GSE1: variants seen among roughly 807,000 people sequenced by gnomAD.
GSE1 encodes genetic suppressor element 1.
In GSE1, 32 loss-of-function variants were observed where a neutral mutation model predicts 112.6. The observed-to-expected ratio is 0.28, with a 90% CI of 0.21 to 0.38. The LOEUF (loss-of-function observed/expected upper bound fraction) is 0.38. GSE1 is among the 10% of genes least tolerant of loss of function. The pLI, the probability that GSE1 is intolerant of heterozygous loss-of-function variation, is 1.00. For synonymous variants in GSE1, 1,115 were observed against 735.6 expected, an observed-to-expected ratio of 1.52 and a Z score of -8.35; for missense variants, 2,348 against 1,699.2, an observed-to-expected ratio of 1.38 and a Z score of -6.71.
intron 1 of GSE1, among the ~76,000 whole-genome samples, chr16:85,303,052 C>A (rs2045570447): frequency 6.6e-6 from 1 of 152,216 alleles, no homozygotes; most frequent in Non-Finnish European, 1.5e-5. Context: ...GTCCTGTGGC[C>A]CCCGCCTGCA....
At chr16:85,508,077 C>T (rs1431284226) in intron 2 of GSE1, among the ~76,000 whole-genome samples, 1 of 152,166 alleles carries the variant, frequency 6.6e-6, no homozygotes, top group Non-Finnish European at 1.5e-5. Flanking sequence ...CTGTGTCGCT[C>T]AGGCTGGGGT....
chr16:85,373,392 C>T lies in GSE1; in HGVS notation c.2464+15749C>T, dbSNP rs115633640. ...CTGGTGTCTTCTCTTGTCAAACAGA[C>T]AAAAAATGGAAAGAAAGCAAGGGAG... On this transcript the variant is annotated intron_variant, in intron 2 of 2. Transcript: ENST00000637419. This position sits in a 1 kb window ranked among gnomAD's most constrained non-coding sequence, Gnocchi z 5.1. Among the ~76,000 whole-genome samples the T allele has an allele frequency of 7.2e-3, 1,099 of 152,216 alleles. 11 individuals carry two copies. The highest frequency in any genetic ancestry group is 0.025 in the African/African-American group (1,056 of 41,528).
At chr16:85,613,210 G>T (rs901810308), upstream of GSE1, 62 of 1,474,928 alleles carry the variant, frequency 4.2e-5, no homozygotes, top group South Asian at 1.1e-4. Flanking sequence ...GTTGCGTTTG[G>T]GTGTGTCCTC....
At chr16:85,366,986 A>G (rs2047198306) in intron 2 of GSE1, among the ~76,000 whole-genome samples, 1 of 152,004 alleles carries the variant, frequency 6.6e-6, no homozygotes, top group Non-Finnish European at 1.5e-5. Context: ...GACCCCAGGG[A>G]CAGAGCCGTG....
upstream of GSE1, chr16:85,555,801 GC>G (rs1470169010): frequency 1.0e-6 from 1 of 971,188 alleles, no homozygotes; most frequent in African/African-American, 1.8e-5. Flanking sequence ...CGTCCTGGGG[GC>G]TGTTTTTTTT....
intron 1 of GSE1, among the ~76,000 whole-genome samples, chr16:85,273,346 C>T (rs993809071): frequency 4.6e-5 from 7 of 152,182 alleles, no homozygotes; most frequent in East Asian, 3.8e-4. Flanking sequence ...GTTAAGGGAA[C>T]GTGTGCCCAG....
At chr16:85,627,994 G>A (rs2049222442) in intron 1 of GSE1, among the ~76,000 whole-genome samples, 1 of 152,180 alleles carries the variant, frequency 6.6e-6, no homozygotes, top group South Asian at 2.1e-4. Flanking sequence ...CGAGGCCTCG[G>A]GGGCAGCAGC....
intron 1 of GSE1, among the ~76,000 whole-genome samples, chr16:85,355,124 G>A (rs1205353099): frequency 6.6e-6 from 1 of 152,142 alleles, no homozygotes; most frequent in East Asian, 1.9e-4. Context: ...AAATTTATAC[G>A]TCCCTTGCAT....
At chr16:85,650,002 C>T (rs185393695) in intron 3 of GSE1, among the ~76,000 whole-genome samples, 3 of 152,318 alleles carry the variant, frequency 2.0e-5, no homozygotes, top group East Asian at 1.9e-4. Context: ...CGGGGCCTGA[C>T]GTTGCCTCTG....
chr16:85,518,170 A>G (rs1018265077), intron 2 of GSE1, among the ~76,000 whole-genome samples: 13 of 152,308 alleles, frequency 8.5e-5, no homozygotes, highest in African/African-American at 3.1e-4. Context: ...CCACCCAGAC[A>G]TCTGTGCCTG....
At chr16:85,186,692 A>T (rs1260084637) in intron 1 of GSE1, among the ~76,000 whole-genome samples, 1 of 151,368 alleles carries the variant, frequency 6.6e-6, no homozygotes, top group African/African-American at 2.4e-5. Context: ...CTGAGCTCAG[A>T]AGTTTGAGGC....
At chr16:85,623,446 G>A (rs902767812) in intron 1 of GSE1, among the ~76,000 whole-genome samples, 2 of 152,146 alleles carry the variant, frequency 1.3e-5, no homozygotes, top group Non-Finnish European at 2.9e-5. Context: ...CAGGCCATGC[G>A]GTGCCCTGGA....
rs932561128 is a variant in GSE1, at chr16:85,633,899, C to T, written c.8-15C>T. 1.9e-6 allele frequency: 3 copies of T among 1,602,592 alleles called. No individual in the cohort carries two copies. The African/African-American group carries it at 4.0e-5, about 22-fold the overall frequency. ...GCTCTCTGGGTGACCTCTGGTTCTT[C>T]TTTTCCTGTTTCAGGCATGAGCCAT... On this transcript the variant is annotated splice_polypyrimidine_tract_variant and intron_variant, in intron 1 of 15. Coordinates refer to ENST00000253458, the MANE Select transcript of GSE1 (RefSeq NM_014615.5).
intron 2 of GSE1, among the ~76,000 whole-genome samples, chr16:85,384,590 C>G (rs1458013399): frequency 6.6e-6 from 1 of 152,178 alleles, no homozygotes; most frequent in Non-Finnish European, 1.5e-5. Context: ...CCCTGGGCCT[C>G]ACTTTCCCTT....
At chr16:85,246,320 CACACACACACACCCCCCACACGCTGTCT>C in intron 1 of GSE1, among the ~76,000 whole-genome samples, 4 of 88,176 alleles carry the variant, frequency 4.5e-5, no homozygotes, top group African/African-American at 8.3e-5. Context: ...TACACACACA[CACACACACACACCCCCCACACGCTGTCT>C]ACACACACAC....
At position 85,175,041 on chromosome 16, in the gene GSE1, T is replaced by A. The variant is rs181327435; in HGVS notation, c.2283+3234T>A. ...GAACCATGATCTCTGCTGCTTCCTGTGACTCCTCAGTTGTTCCCTATTGTT... is the reference window on the plus strand; with the variant it reads ...GAACCATGATCTCTGCTGCTTCCTGAGACTCCTCAGTTGTTCCCTATTGTT... On this transcript the variant is annotated intron_variant, in intron 1 of 2. Transcript: ENST00000637419. 1.1e-3 allele frequency among the ~76,000 whole-genome samples: 130 copies of A among 115,690 alleles called. 4 individuals are homozygous for A. The highest frequency in any genetic ancestry group is 9.5e-3 in the Admixed American group (118 of 12,436). The allele number at this position is 115,690 out of a possible 152,430, so 75.9% of individuals were successfully genotyped here. A position where few individuals can be genotyped will look rare whatever the true frequency, so the allele number is the denominator to read the frequency against.
At chr16:85,300,795 C>T (rs781447299) in intron 1 of GSE1, among the ~76,000 whole-genome samples, 1 of 152,182 alleles carries the variant, frequency 6.6e-6, no homozygotes, top group Non-Finnish European at 1.5e-5. Context: ...GCAGGATTTA[C>T]AGTCAAGCCA....
chr16:85,373,762 C>T lies in GSE1; in HGVS notation c.2464+16119C>T, dbSNP rs548754104. ...TGAATGAGCGCTGGCCGCCTTCTCC[C>T]GGCAGGCCTGGGGACCCTGGATCCC... On this transcript the variant is annotated intron_variant, in intron 2 of 2. Transcript: ENST00000637419. The surrounding 1 kb of genome is among the most constrained non-coding windows in gnomAD (Gnocchi z 5.1). Among the ~76,000 whole-genome samples the T allele has an allele frequency of 1.2e-3, 188 of 152,234 alleles. No homozygotes were observed. The highest frequency in any genetic ancestry group is 2.7e-3 in the African/African-American group (112 of 41,540).
chr16:85,591,031 T>C (rs1027435112), intron 1 of GSE1, among the ~76,000 whole-genome samples: 1 of 152,180 alleles, frequency 6.6e-6, no homozygotes, highest in Non-Finnish European at 1.5e-5. Flanking sequence ...GAGGTGCCTG[T>C]GTCCCGAGGG....
Sources: gnomAD v4.1 joint callset for allele counts (sites outside exome capture counted in the v4.1 genomes callset) on GRCh38, gnomAD v4.1.1 for gene constraint, Gnocchi (gnomAD v3.1) non-coding constraint, MANE v1.5 for transcripts, NCBI Gene and HGNC (gene_info 2026-07-23, HGNC 2026-07-21) for gene names.